MAPKAP1: variants seen among roughly 807,000 people sequenced by gnomAD.
MAPKAP1 encodes MAPK associated protein 1.
Under a neutral mutation model 65.7 loss-of-function variants are expected in MAPKAP1, and 20 were observed. The ratio of observed to expected loss-of-function variants is 0.30; its 90% CI spans 0.21 to 0.44. The LOEUF is 0.44. Among genes scored for constraint, MAPKAP1 ranks in the 20% least tolerant of loss-of-function variants. The pLI, the probability that MAPKAP1 is intolerant of heterozygous loss-of-function variation, is 1.00. For missense variants in MAPKAP1, 423 were observed against 648.0 expected (o/e 0.65, Z 3.77); for synonymous variants, 222 against 244.3 (o/e 0.91, Z 0.85).
At chr9:125,665,582 C>G (rs929946616) in intron 3 of MAPKAP1, among the ~76,000 whole-genome samples, 1 of 151,934 alleles carries the variant, frequency 6.6e-6, no homozygotes, top group Non-Finnish European at 1.5e-5. Flanking sequence ...TTTTCGGACT[C>G]AGCCCGCCTG....
intron 4 of MAPKAP1, among the ~76,000 whole-genome samples, chr9:125,636,329 C>CA (rs1564595018): frequency 6.6e-6 from 1 of 152,024 alleles, no homozygotes. Context: ...AAACTGAAAG[C>CA]AAAAAATGAA....
chr9:125,639,626 T>C (rs1183353928), intron 4 of MAPKAP1, among the ~76,000 whole-genome samples: 1 of 152,188 alleles, frequency 6.6e-6, no homozygotes, highest in African/African-American at 2.4e-5. Flanking sequence ...GAGACAAATT[T>C]GTACTCTAAA....
chr9:125,691,787 C>T (rs920300644), intron 1 of MAPKAP1, among the ~76,000 whole-genome samples: 1 of 152,212 alleles, frequency 6.6e-6, no homozygotes, highest in African/African-American at 2.4e-5. Flanking sequence ...CCCCTCACCT[C>T]GCATTTCCTA....
chr9:125,500,568 C>T (rs1418619504), intron 8 of MAPKAP1, among the ~76,000 whole-genome samples: 1 of 152,054 alleles, frequency 6.6e-6, no homozygotes, highest in East Asian at 1.9e-4. Flanking sequence ...GTACACACAC[C>T]TATGATACAT....
At position 125,468,129 on chromosome 9, in the gene MAPKAP1, C is replaced by A; in HGVS notation, c.1208-20G>T. 6.2e-7 allele frequency: 1 copy of A among 1,610,968 alleles called. No homozygotes were observed. Among genetic ancestry groups the A allele is most frequent in the Non-Finnish European group, 8.5e-7 (1 of 1,178,444 alleles). ...AGATACCTGTAAGCCAAGGTGAGGA[C>A]ACAAAAGAAAACACAAGAAGTAGAA... On this transcript the variant is annotated intron_variant, in intron 9 of 11. Transcript: ENST00000265960.
chr9:125,507,673 C>T lies in MAPKAP1; in HGVS notation c.959-1256G>A, dbSNP rs560959788. Among the ~76,000 whole-genome samples the T allele has an allele frequency of 6.6e-5, 10 of 152,168 alleles. No homozygotes were observed. The South Asian group carries it at 2.1e-3, about 31-fold the overall frequency. On this transcript the variant is annotated intron_variant, in intron 7 of 11. Transcript: ENST00000265960. ...TCTGCCTATTCTGAATTCTTACATA[C>T]ATTCAGTCCTTTTTACACTACTTAA...
chr9:125,593,474 C>G (rs1832031811), intron 4 of MAPKAP1, among the ~76,000 whole-genome samples: 1 of 152,006 alleles, frequency 6.6e-6, no homozygotes, highest in Non-Finnish European at 1.5e-5. Context: ...CCAGCCTGGG[C>G]AACACAGTGA....
chr9:125,693,753 A>G lies in MAPKAP1; in HGVS notation c.-70+13218T>C, dbSNP rs148165876. Among the ~76,000 whole-genome samples the G allele has an allele frequency of 1.1e-3, 169 of 147,358 alleles. 1 individual carries two copies. Among genetic ancestry groups the G allele is most frequent in the Non-Finnish European group, 2.1e-3 (144 of 67,546 alleles). On this transcript the variant is annotated intron_variant, in intron 1 of 11. Coordinates refer to ENST00000265960, the MANE Select transcript of MAPKAP1 (RefSeq NM_001006617.3). ...CACATATATACACGTATATATACAC[A>G]TATATACACGTATATACACATATAT...
At chr9:125,452,822 T>C (rs1311151216) in intron 10 of MAPKAP1, among the ~76,000 whole-genome samples, 2 of 151,396 alleles carry the variant, frequency 1.3e-5, no homozygotes, top group African/African-American at 4.9e-5. Context: ...GAAGTGGAGG[T>C]TGCAGTAAGG....
chr9:125,467,627 A>G (rs529565719), intron 10 of MAPKAP1, among the ~76,000 whole-genome samples: 1 of 152,240 alleles, frequency 6.6e-6, no homozygotes, highest in East Asian at 1.9e-4. Context: ...AAGTCCCCCA[A>G]ATGGGAAGGG....
At chr9:125,516,879 C>A (rs1044046937) in intron 7 of MAPKAP1, among the ~76,000 whole-genome samples, 1 of 152,194 alleles carries the variant, frequency 6.6e-6, no homozygotes, top group Non-Finnish European at 1.5e-5. Context: ...CATCAACTTG[C>A]CCTTTTTGAA....
intron 4 of MAPKAP1, among the ~76,000 whole-genome samples, chr9:125,647,781 T>G (rs903040254): frequency 2.0e-5 from 3 of 152,232 alleles, no homozygotes; most frequent in Non-Finnish European, 4.4e-5. Flanking sequence ...GCCAGTACAG[T>G]GTGGGTGCCT....
intron 4 of MAPKAP1, among the ~76,000 whole-genome samples, chr9:125,627,530 G>C (rs115517716): frequency 0.011 from 1,707 of 152,274 alleles, 41 homozygotes; most frequent in African/African-American, 0.038. Flanking sequence ...CCTGCACTGA[G>C]AAAGGGAACC....
chr9:125,499,797 T>C (rs1295918603), intron 8 of MAPKAP1, among the ~76,000 whole-genome samples: 3 of 151,936 alleles, frequency 2.0e-5, no homozygotes, highest in Non-Finnish European at 4.4e-5. Context: ...CTGGGCAACA[T>C]AGCAAGACAC....
chr9:125,498,735 T>C (rs1265772342), intron 8 of MAPKAP1, among the ~76,000 whole-genome samples: 1 of 152,186 alleles, frequency 6.6e-6, no homozygotes, highest in Non-Finnish European at 1.5e-5. Context: ...GTATATCCAT[T>C]CTGGGACACC....
In MAPKAP1 at chr9:125,546,818, C is replaced by T. The variant is rs997958309; in HGVS notation, c.849-3650G>A. Among the ~76,000 whole-genome samples, 9 of 152,134 alleles carry T rather than the reference C, an allele frequency of 5.9e-5. No individual in the cohort carries two copies. In the East Asian group the frequency reaches 9.7e-4, roughly 16 times the overall value. On this transcript the variant is annotated intron_variant, in intron 6 of 11. Transcript: ENST00000265960. ...GAGCTGTGGCGGGGTGATCAGCCCT[C>T]GGATGAACAGGCAGGCTACACACAG...
Position 125,657,765 on chromosome 9 carries a change from A to G in MAPKAP1, c.384T>C (p.Ser128=). ...QELKSLFEKK[S]LKEKPPISGK... ...CAGAAATTGGAGGCTTCTCTTTGAGAGATTTTTTTTCAAACAGTGACTTTA... is the reference window on the plus strand; with the variant it reads ...CAGAAATTGGAGGCTTCTCTTTGAGGGATTTTTTTTCAAACAGTGACTTTA... Residue 128 remains serine, a synonymous_variant, in exon 4 of 12, where the codon TCT becomes TCC. Transcript: ENST00000265960. 1 of 1,613,954 alleles carries G rather than the reference A, an allele frequency of 6.2e-7. No individual in the cohort carries two copies. Among genetic ancestry groups the G allele is most frequent in the South Asian group, 1.1e-5 (1 of 91,064 alleles).
chr9:125,613,606 CA>C (rs1481700180), intron 4 of MAPKAP1, among the ~76,000 whole-genome samples: 1 of 152,132 alleles, frequency 6.6e-6, no homozygotes, highest in East Asian at 1.9e-4. Flanking sequence ...CCCTTTTCCA[CA>C]CAGATGCTAA....
chr9:125,555,504 C>T (rs1830711659), intron 6 of MAPKAP1, among the ~76,000 whole-genome samples: 1 of 152,224 alleles, frequency 6.6e-6, no homozygotes, highest in Non-Finnish European at 1.5e-5. Context: ...GTGTGAGGGC[C>T]TCTAAAGGTC....
Sources: allele counts gnomAD v4.1 joint callset (sites outside exome capture counted in the v4.1 genomes callset), GRCh38; gene constraint gnomAD v4.1.1; transcripts MANE v1.5; gene names NCBI Gene and HGNC (gene_info 2026-07-23, HGNC 2026-07-21).